SYK: variants seen among roughly 807,000 people sequenced by gnomAD.
SYK encodes the protein tyrosine-protein kinase SYK.
Under a neutral mutation model 77.8 loss-of-function variants are expected in SYK, and 16 were observed. The observed-to-expected ratio is 0.21, with a 90% CI of 0.14 to 0.31. SYK has a LOEUF of 0.31. SYK is among the 10% of genes least tolerant of loss of function. The pLI is 1.00. For synonymous variants in SYK, 312 were observed against 308.7 expected, an observed-to-expected ratio of 1.01 and a Z score of -0.11; for missense variants, 529 against 814.4, an observed-to-expected ratio of 0.65 and a Z score of 4.26.
intron 1 of SYK, among the ~76,000 whole-genome samples, chr9:90,837,224 G>A (rs1258917140): frequency 6.6e-6 from 1 of 152,018 alleles, no homozygotes; most frequent in African/African-American, 2.4e-5. Context: ...ATCCTAAAAA[G>A]CAAAGAGCAA....
intron 1 of SYK, among the ~76,000 whole-genome samples, chr9:90,814,107 T>C (rs1825203302): frequency 6.8e-6 from 1 of 147,326 alleles, no homozygotes; most frequent in Admixed American, 6.8e-5. Flanking sequence ...TATTGTAATA[T>C]ATCAGATATG....
At chr9:90,888,805 A>G (rs1009421619) in intron 13 of SYK, among the ~76,000 whole-genome samples, 178 bp downstream of exon 13, 4 of 152,246 alleles carry the variant, frequency 2.6e-5, no homozygotes, top group African/African-American at 9.6e-5. Flanking sequence ...TGGCCCATGC[A>G]CTTACATGTA....
chr9:90,862,841 G>A (rs1827331970), intron 4 of SYK, among the ~76,000 whole-genome samples: 1 of 152,224 alleles, frequency 6.6e-6, no homozygotes. Flanking sequence ...GCAGGACTTT[G>A]TTGGTGGTGT....
At chr9:90,841,300 T>C (rs900332800) in intron 1 of SYK, among the ~76,000 whole-genome samples, 34 of 151,034 alleles carry the variant, frequency 2.3e-4, no homozygotes, top group Non-Finnish European at 4.0e-4. Context: ...GTAATGTGTA[T>C]GTAGTTTGTG....
intron 11 of SYK, among the ~76,000 whole-genome samples, chr9:90,887,405 C>CTTTTTTTTTT (rs3056951): frequency 3.9e-5 from 5 of 128,938 alleles, no homozygotes; most frequent in African/African-American, 5.9e-5. Flanking sequence ...TTCTTTCTTT[C>CTTTTTTTTTT]TTTTTTTTTT....
Position 90,884,280 on chromosome 9 carries a change from C to CGCATAT in SYK, c.1582-3469_1582-3468insGCATAT, listed in dbSNP as rs1554714382. On this transcript the variant is annotated intron_variant, in intron 11 of 13. Transcript: ENST00000375754. ...ACATACACATACGTGTATATATACA[C>CGCATAT]ACATATACACATACGTGTATATATA... Among the ~76,000 whole-genome samples, 243 of 57,568 alleles carry CGCATAT rather than the reference C, an allele frequency of 4.2e-3. 23 individuals are homozygous for CGCATAT. In the East Asian group the frequency reaches 0.059, roughly 14 times the overall value. The allele number at this position is 57,568 out of a possible 152,430, so 37.8% of individuals were successfully genotyped here. A position where few individuals can be genotyped will look rare whatever the true frequency, so the allele number is the denominator to read the frequency against.
At chr9:90,891,867 T>C (rs1439871244) in intron 13 of SYK, among the ~76,000 whole-genome samples, 1 of 152,102 alleles carries the variant, frequency 6.6e-6, no homozygotes, top group Admixed American at 6.5e-5. Flanking sequence ...GGCATTGTCA[T>C]CAGTTCCAGG....
intron 7 of SYK, among the ~76,000 whole-genome samples, chr9:90,871,798 G>T (rs1474552337): frequency 4.6e-5 from 7 of 152,232 alleles, no homozygotes; most frequent in African/African-American, 1.7e-4. Flanking sequence ...ATGTGGGGTT[G>T]TTGAGAGACA....
chr9:90,881,756 C>G (rs146430001), intron 11 of SYK, among the ~76,000 whole-genome samples: 1 of 151,722 alleles, frequency 6.6e-6, no homozygotes, highest in Non-Finnish European at 1.5e-5. Context: ...CGCTGGCACT[C>G]GGGAAACCAT....
chr9:90,811,346 A>G (rs1315069471), intron 1 of SYK, among the ~76,000 whole-genome samples: 1 of 152,246 alleles, frequency 6.6e-6, no homozygotes, highest in Non-Finnish European at 1.5e-5. Context: ...GTTTGGTAAT[A>G]TCTTTTAAAA....
chr9:90,821,748 T>G (rs1276599582), intron 1 of SYK, among the ~76,000 whole-genome samples: 2 of 152,220 alleles, frequency 1.3e-5, no homozygotes, highest in Non-Finnish European at 2.9e-5. Context: ...GTCTACTTAG[T>G]GCCGTATTTT....
At chr9:90,816,289 T>G (rs199619663) in intron 1 of SYK, among the ~76,000 whole-genome samples, 116 of 152,332 alleles carry the variant, frequency 7.6e-4, no homozygotes, top group East Asian at 3.3e-3. Context: ...AAGCATGTGT[T>G]TAGAAGGCAG....
chr9:90,837,804 A>G (rs951517381), intron 1 of SYK, among the ~76,000 whole-genome samples: 1 of 152,250 alleles, frequency 6.6e-6, no homozygotes, highest in African/African-American at 2.4e-5. Flanking sequence ...AAAGCTACTC[A>G]GAGGACCTGG....
intron 4 of SYK, 101 bp downstream of exon 4, chr9:90,862,445 GCCCA>G: frequency 7.2e-7 from 1 of 1,395,140 alleles, no homozygotes; most frequent in Non-Finnish European, 9.6e-7. Flanking sequence ...ACCACCCACT[GCCCA>G]CAGTGTGGTC....
intron 9 of SYK, among the ~76,000 whole-genome samples, chr9:90,876,937 G>A (rs1262521433): frequency 1.3e-5 from 2 of 152,136 alleles, no homozygotes; most frequent in Non-Finnish European, 2.9e-5. Context: ...AGATGTTACA[G>A]GAATTCGTAC....
chr9:90,804,525 C>G (rs1824740362), intron 1 of SYK, among the ~76,000 whole-genome samples: 1 of 152,216 alleles, frequency 6.6e-6, no homozygotes. Flanking sequence ...CTTTTCTACT[C>G]TTGCTTTGCT....
At chr9:90,850,494 C>G (rs12380445) in intron 3 of SYK, among the ~76,000 whole-genome samples, 36,303 of 151,872 alleles carry the variant, frequency 0.24, 5,036 homozygotes, top group South Asian at 0.35. Context: ...CCAGCCTGGG[C>G]AACAGAGCAA....
intron 9 of SYK, 129 bp from the exon 10 acceptor site, chr9:90,877,442 C>A: frequency 1.0e-6 from 1 of 982,940 alleles, no homozygotes; most frequent in Non-Finnish European, 1.5e-6. Context: ...CTTCTGAAGA[C>A]ACATTGCCAC....
chr9:90,811,300 A>G (rs1009269939), intron 1 of SYK, among the ~76,000 whole-genome samples: 2 of 152,208 alleles, frequency 1.3e-5, no homozygotes, highest in African/African-American at 4.8e-5. Context: ...TTTCAAATCA[A>G]TAAGAAAAAA....
Sources: gnomAD v4.1 joint callset for allele counts (sites outside exome capture counted in the v4.1 genomes callset) on GRCh38, gnomAD v4.1.1 for gene constraint, MANE v1.5 for transcripts, NCBI Gene and HGNC (gene_info 2026-07-23, HGNC 2026-07-21) for gene names.